The following SPCS3 variants were observed in gnomAD, a reference collection of about 807,000 sequenced individuals.
The protein encoded by SPCS3 is SPase 22 kDa subunit.
In SPCS3, 9 loss-of-function variants were observed where a neutral mutation model predicts 17.2. That is an observed-to-expected ratio of 0.52 (90% CI 0.31 to 0.91). The LOEUF is 0.91. SPCS3 is among the 40% of genes least tolerant of loss of function. The pLI is 0.04. For missense variants in SPCS3, 139 were observed against 217.5 expected (o/e 0.64, Z 2.27); for synonymous variants, 87 against 89.6 (o/e 0.97, Z 0.16).
chr4:176,324,353 G>C (rs1168187429), intron 3 of SPCS3, 96 bp downstream of exon 3: 2 of 573,746 alleles, frequency 3.5e-6, no homozygotes, highest in East Asian at 6.4e-5. Flanking sequence ...TATCTGACCT[G>C]AGTTACCTAG....
In SPCS3 at chr4:176,329,103, C is replaced by CT. The variant is rs1400358534; in HGVS notation, c.*774dup. The CT allele has an allele frequency of 6.6e-6, 1 of 151,954 alleles. No homozygotes were observed. The highest frequency in any genetic ancestry group is 1.5e-5 in the Non-Finnish European group (1 of 67,940). 9.4% of individuals were successfully genotyped at this position (151,954 alleles called of 1,614,324 possible). On this transcript the variant is annotated 3_prime_UTR_variant, in exon 5 of 5. Coordinates refer to ENST00000503362, the MANE Select transcript of SPCS3 (RefSeq NM_021928.4). ...TTAAAATGTTTGCATGGTTTACCCT[C>CT]TGAGTTATGTTTCTTCTAGTGAGCA...
In SPCS3 at chr4:176,331,323, G is replaced by A. The variant is rs1205799898; in HGVS notation, c.*2993G>A. 6.6e-6 allele frequency: 1 copy of A among 152,060 alleles called. No homozygotes were observed. The highest frequency in any genetic ancestry group is 1.5e-5 in the Non-Finnish European group (1 of 68,018). 9.4% of individuals were successfully genotyped at this position (152,060 alleles called of 1,614,324 possible). A position where few individuals can be genotyped will look rare whatever the true frequency, so the allele number is the denominator to read the frequency against. On this transcript the variant is annotated 3_prime_UTR_variant, in exon 5 of 5. Transcript: ENST00000503362. ...ATTTTATAATACTTTGCATTGACAT[G>A]AAGTGGGTTCATGGGGGAAAACCAT...
At position 176,324,224 on chromosome 4, in the gene SPCS3, T is replaced by C. The variant is rs1290056595; in HGVS notation, c.261T>C (p.Leu87=). 2.5e-6 allele frequency: 3 copies of C among 1,176,884 alleles called. No homozygotes were observed. The Admixed American group carries it at 8.3e-5, about 33-fold the overall frequency. The allele number at this position is 1,176,884 out of a possible 1,614,324, so 72.9% of individuals were successfully genotyped here. Residue 87 remains leucine (L), a synonymous_variant, in exon 3 of 5, where the codon CTT becomes CTC. Transcript: ENST00000503362. The stretch of plus-strand genomic sequence containing the variant: ...ATTGGAATGTTAAGCAGTTGTTTCT[T>C]TATTTATCAGCAGAATATTCAACAA... ...IFDWNVKQLF[L]YLSAEYSTKN...
At chr4:176,322,141 G>T in intron 1 of SPCS3, 29 bp from the exon 2 acceptor site, 1 of 1,420,320 alleles carries the variant, frequency 7.0e-7, no homozygotes, top group South Asian at 1.2e-5. Flanking sequence ...CTGTTGGAAG[G>T]ATGGTAAAAC....
Position 176,330,016 on chromosome 4 carries a change from A to G in SPCS3, c.*1686A>G, listed in dbSNP as rs1731662678. The stretch of plus-strand genomic sequence containing the variant: ...AAACTGCCTGGCTCCCAGCTTTTTC[A>G]TTAAACTTTTCAGGGTCTTGGTTTC... On this transcript the variant is annotated 3_prime_UTR_variant, in exon 5 of 5. Coordinates refer to ENST00000503362, the MANE Select transcript of SPCS3 (RefSeq NM_021928.4). 6.6e-6 allele frequency: 1 copy of G among 152,174 alleles called. No homozygotes were observed. The allele number at this position is 152,174 out of a possible 1,614,324, so 9.4% of individuals were successfully genotyped here.
At chr4:176,327,052 CA>C in intron 3 of SPCS3, 109 bp from the exon 4 acceptor site, 1 of 642,074 alleles carries the variant, frequency 1.6e-6, no homozygotes, top group Admixed American at 3.6e-5. Flanking sequence ...GCAAGCTCCT[CA>C]AGTTGAATTC....
At chr4:176,323,947 G>A (rs980059441) in intron 2 of SPCS3, among the ~76,000 whole-genome samples, 24 of 151,894 alleles carry the variant, frequency 1.6e-4, no homozygotes, top group Middle Eastern at 3.4e-3. Context: ...CCTTGGAGGA[G>A]TATGGGAGGA....
rs1731690624 is a variant in SPCS3 at position 176,331,744 on chromosome 4, ACG to A, written c.*3415_*3416del. The stretch of plus-strand genomic sequence containing the variant: ...GCTGGGATTACAGGCGCCCGCCACC[ACG>A]TCCGGCTAATTTTTGTATTTTCAGT... On this transcript the variant is annotated 3_prime_UTR_variant, in exon 5 of 5. Coordinates refer to ENST00000503362, the MANE Select transcript of SPCS3 (RefSeq NM_021928.4). 1 of 152,132 alleles carries A rather than the reference ACG, an allele frequency of 6.6e-6. No homozygotes were observed. The highest frequency in any genetic ancestry group is 2.4e-5 in the African/African-American group (1 of 41,396). 9.4% of individuals were successfully genotyped at this position (152,132 alleles called of 1,614,324 possible). A position where few individuals can be genotyped will look rare whatever the true frequency, so the allele number is the denominator to read the frequency against.
chr4:176,322,668 G>A lies in SPCS3; in HGVS notation c.217+425G>A, dbSNP rs547677593. 2.6e-4 allele frequency among the ~76,000 whole-genome samples: 40 copies of A among 152,172 alleles called. No homozygotes were observed. In the South Asian group the frequency reaches 8.3e-3, roughly 32 times the overall value. On this transcript the variant is annotated intron_variant, in intron 2 of 4. Transcript: ENST00000503362. ...AACATATGTTTAAAAAGTGAATTACGTGTGTTATGATTTGAAAAGGTCATA... is the reference window on the plus strand; with the variant it reads ...AACATATGTTTAAAAAGTGAATTACATGTGTTATGATTTGAAAAGGTCATA...
chr4:176,328,059 T>A, intron 4 of SPCS3, 139 bp from the exon 5 acceptor site: 1 of 750,950 alleles, frequency 1.3e-6, no homozygotes, highest in Non-Finnish European at 2.1e-6. Flanking sequence ...AATAGTTCTT[T>A]TTGCAGATTA....
rs1731655611 is a variant in SPCS3 at position 176,329,570 on chromosome 4, TTTTA to T, written c.*1243_*1246del. On this transcript the variant is annotated 3_prime_UTR_variant, in exon 5 of 5. Coordinates refer to ENST00000503362, the MANE Select transcript of SPCS3 (RefSeq NM_021928.4). ...GCCAACAACTTATATCGAGGTAATA[TTTTA>T]TTCTCTGAATAAATTCATTTCACTT... 6.6e-6 allele frequency: 1 copy of T among 152,188 alleles called. No homozygotes were observed. Among genetic ancestry groups the T allele is most frequent in the Non-Finnish European group, 1.5e-5 (1 of 67,998 alleles). 9.4% of individuals were successfully genotyped at this position (152,188 alleles called of 1,614,324 possible).
At chr4:176,325,054 T>TC (rs1322253645) in intron 3 of SPCS3, among the ~76,000 whole-genome samples, 2,583 of 141,356 alleles carry the variant, frequency 0.018, 24 homozygotes, top group Middle Eastern at 0.046. Context: ...TTTTTTTACT[T>TC]TTTTTTTTTT....
rs987614550 is a variant in SPCS3, at chr4:176,328,691, A to G, written c.*361A>G. ...GTAGTTAAAACTTTCAGGTGCCTGTAGAGTCATAATAACTGTATTTTATGC... is the reference window on the plus strand; with the variant it reads ...GTAGTTAAAACTTTCAGGTGCCTGTGGAGTCATAATAACTGTATTTTATGC... On this transcript the variant is annotated 3_prime_UTR_variant, in exon 5 of 5. Transcript: ENST00000503362. The G allele has an allele frequency of 1.3e-5, 2 of 154,262 alleles. No homozygotes were observed. Among genetic ancestry groups the G allele is most frequent in the African/African-American group, 4.8e-5 (2 of 41,532 alleles). 9.6% of individuals were successfully genotyped at this position (154,262 alleles called of 1,614,324 possible).
intron 3 of SPCS3, among the ~76,000 whole-genome samples, chr4:176,326,584 G>C (rs1731610793): frequency 6.6e-6 from 1 of 151,994 alleles, no homozygotes; most frequent in African/African-American, 2.4e-5. Flanking sequence ...TAATTAAAGG[G>C]AAAAAAGATC....
intron 1 of SPCS3, chr4:176,321,236 A>G (rs1199254870): frequency 1.3e-5 from 2 of 151,644 alleles, no homozygotes; most frequent in Non-Finnish European, 2.9e-5. Flanking sequence ...GGTGGACATC[A>G]GCACTGCCAT....
At chr4:176,324,158 T>C in intron 2 of SPCS3, 23 bp from the exon 3 acceptor site, 2 of 1,073,144 alleles carry the variant, frequency 1.9e-6, no homozygotes, top group Non-Finnish European at 2.6e-6. Flanking sequence ...CTCATAAATT[T>C]ATATTTTCCT....
At chr4:176,321,555 A>G (rs1343574288) in intron 1 of SPCS3, 2 of 152,240 alleles carry the variant, frequency 1.3e-5, no homozygotes, top group African/African-American at 4.8e-5. Flanking sequence ...CCCTATATAT[A>G]CTTGGTTTTT....
chr4:176,320,252 C>G (rs769939687), intron 1 of SPCS3, 33 bp downstream of exon 1: 32 of 1,491,418 alleles, frequency 2.1e-5, no homozygotes, highest in Non-Finnish European at 2.8e-5. Context: ...TGCAGGACGC[C>G]GGGACCGGGC....
chr4:176,325,729 G>T (rs544269616), intron 3 of SPCS3, among the ~76,000 whole-genome samples: 63 of 151,958 alleles, frequency 4.1e-4, no homozygotes, highest in African/African-American at 6.5e-4. Flanking sequence ...CTGGTTTTTT[G>T]TTGTTGTTGT....
Sources: gnomAD v4.1 joint callset for allele counts (sites outside exome capture counted in the v4.1 genomes callset) on GRCh38, gnomAD v4.1.1 for gene constraint, MANE v1.5 for transcripts, NCBI Gene and HGNC (gene_info 2026-07-23, HGNC 2026-07-21) for gene names.